The following SMYD3 variants were observed in gnomAD, a reference collection of about 807,000 sequenced individuals.
The protein encoded by SMYD3 is histone-lysine N-methyltransferase SMYD3.
SMYD3 carries 36 observed loss-of-function variants against 57.7 expected under a neutral mutation model. That is an observed-to-expected ratio of 0.62 (90% CI 0.48 to 0.82). The LOEUF is 0.82. SMYD3 is among the 40% of genes least tolerant of loss of function. SMYD3 has a pLI of 0.00. For missense variants in SMYD3, 515 were observed against 538.8 expected (o/e 0.96, Z 0.44); for synonymous variants, 211 against 195.0 (o/e 1.08, Z -0.68).
At chr1:245,790,311 G>GT (rs2047217016) in intron 10 of SMYD3, among the ~76,000 whole-genome samples, 1 of 152,182 alleles carries the variant, frequency 6.6e-6, no homozygotes, top group Non-Finnish European at 1.5e-5. Flanking sequence ...ACTATAGAAG[G>GT]AGAGCTGCAG....
intron 5 of SMYD3, among the ~76,000 whole-genome samples, chr1:245,998,821 A>G (rs1042309048): frequency 1.3e-5 from 2 of 152,242 alleles, no homozygotes; most frequent in African/African-American, 4.8e-5. Flanking sequence ...TGCCGTAAAA[A>G]GGAAAGGAAT....
At chr1:245,774,579 T>C (rs2046464376) in intron 10 of SMYD3, among the ~76,000 whole-genome samples, 1 of 152,186 alleles carries the variant, frequency 6.6e-6, no homozygotes, top group Non-Finnish European at 1.5e-5. Flanking sequence ...TATATTAAAA[T>C]ATATTGAAAA....
At chr1:246,441,449 A>G (rs1473528180) in intron 1 of SMYD3, among the ~76,000 whole-genome samples, 1 of 152,190 alleles carries the variant, frequency 6.6e-6, no homozygotes, top group African/African-American at 2.4e-5. Context: ...CAGGAAGCTG[A>G]TATTACCTGT....
chr1:246,083,560 T>C (rs951217561), intron 5 of SMYD3, among the ~76,000 whole-genome samples: 1 of 152,228 alleles, frequency 6.6e-6, no homozygotes, highest in African/African-American at 2.4e-5. Flanking sequence ...TGTCTCTGTG[T>C]ATCTTTCTTT....
At chr1:245,886,803 G>A (rs560961269) in intron 8 of SMYD3, among the ~76,000 whole-genome samples, 10 of 152,096 alleles carry the variant, frequency 6.6e-5, no homozygotes, top group African/African-American at 2.4e-4. Context: ...TGGCTATTGC[G>A]GGTCGAAAGG....
At chr1:246,118,174 A>G (rs1558244131) in intron 5 of SMYD3, among the ~76,000 whole-genome samples, 1 of 152,256 alleles carries the variant, frequency 6.6e-6, no homozygotes, top group Non-Finnish European at 1.5e-5. Context: ...GGATAAATTT[A>G]AGGTAAAAAC....
At chr1:246,456,017 C>T (rs1037894798) in intron 1 of SMYD3, among the ~76,000 whole-genome samples, 3 of 151,948 alleles carry the variant, frequency 2.0e-5, no homozygotes, top group Admixed American at 1.3e-4. Flanking sequence ...TGCAAAAATA[C>T]ATCAATAACC....
intron 8 of SMYD3, among the ~76,000 whole-genome samples, chr1:245,906,240 C>T (rs955234339): frequency 1.3e-5 from 2 of 152,124 alleles, no homozygotes; most frequent in African/African-American, 2.4e-5. Context: ...TTGCAAGCTA[C>T]CCATCTGACA....
chr1:245,989,286 G>A (rs1180306373), intron 5 of SMYD3, among the ~76,000 whole-genome samples: 4 of 144,978 alleles, frequency 2.8e-5, no homozygotes, highest in Non-Finnish European at 4.6e-5. Context: ...GATCTTTGAA[G>A]AGGAGTCAGT....
intron 5 of SMYD3, among the ~76,000 whole-genome samples, chr1:246,032,637 G>A (rs995076683): frequency 1.3e-5 from 2 of 152,032 alleles, no homozygotes; most frequent in African/African-American, 2.4e-5. Context: ...CATGAACTTT[G>A]GTGTCTTCTG....
chr1:245,759,588 GC>G (rs1430603834), intron 11 of SMYD3, among the ~76,000 whole-genome samples: 1 of 152,224 alleles, frequency 6.6e-6, no homozygotes, highest in East Asian at 1.9e-4. Context: ...CTCTAAATCA[GC>G]CATTGCTGGG....
intron 5 of SMYD3, among the ~76,000 whole-genome samples, chr1:245,967,321 ATGGGC>A (rs2058181150): frequency 6.6e-6 from 1 of 152,180 alleles, no homozygotes; most frequent in East Asian, 1.9e-4. Context: ...CTTTAAAGTT[ATGGGC>A]AACTTACCAG....
chr1:245,983,949 C>T (rs1369172799), intron 5 of SMYD3, among the ~76,000 whole-genome samples: 3 of 151,112 alleles, frequency 2.0e-5, no homozygotes. Flanking sequence ...GCAACATTTC[C>T]AAAACCTTAA....
At chr1:246,015,482 C>T (rs1205516870) in intron 5 of SMYD3, among the ~76,000 whole-genome samples, 1 of 152,154 alleles carries the variant, frequency 6.6e-6, no homozygotes, top group Non-Finnish European at 1.5e-5. Context: ...TAAGTATTCA[C>T]TTCAGGGGCT....
intron 2 of SMYD3, among the ~76,000 whole-genome samples, chr1:246,337,588 G>A (rs1334154033): frequency 3.9e-5 from 6 of 152,164 alleles, no homozygotes; most frequent in African/African-American, 1.2e-4. Flanking sequence ...TGGACAGAGC[G>A]TGTAGGCAGG....
At chr1:246,047,248 T>G (rs1230633348) in intron 5 of SMYD3, among the ~76,000 whole-genome samples, 1 of 152,084 alleles carries the variant, frequency 6.6e-6, no homozygotes, top group East Asian at 1.9e-4. Context: ...GATACCAAAC[T>G]TACTACAAAC....
At chr1:246,244,425 A>G (rs912992169) in intron 5 of SMYD3, among the ~76,000 whole-genome samples, 3 of 152,154 alleles carry the variant, frequency 2.0e-5, no homozygotes, top group African/African-American at 7.2e-5. Context: ...TTCCCTATTC[A>G]CTTTGGATAA....
chr1:246,289,440 T>C (rs2064641788), intron 5 of SMYD3, among the ~76,000 whole-genome samples: 1 of 152,248 alleles, frequency 6.6e-6, no homozygotes, highest in Admixed American at 6.5e-5. Flanking sequence ...TTCTAATGCC[T>C]AAAGATCAGT....
At chr1:246,181,151 T>C (rs1305503949) in intron 5 of SMYD3, among the ~76,000 whole-genome samples, 1 of 152,188 alleles carries the variant, frequency 6.6e-6, no homozygotes, top group Non-Finnish European at 1.5e-5. Context: ...TTCATTCCAC[T>C]GAGAGAAATG....
Sources: allele counts gnomAD v4.1 joint callset (sites outside exome capture counted in the v4.1 genomes callset), GRCh38; gene constraint gnomAD v4.1.1; transcripts MANE v1.5; gene names NCBI Gene and HGNC (gene_info 2026-07-23, HGNC 2026-07-21).